MANBAL: variants seen among roughly 807,000 people sequenced by gnomAD.
MANBAL encodes the protein mannosidase beta like, also known as protein MANBAL.
In MANBAL, 1 loss-of-function variant was observed where a neutral mutation model predicts 6.4. The ratio of observed to expected loss-of-function variants is 0.16; its 90% CI spans 0.06 to 0.74. The LOEUF is 0.74. Among genes scored for constraint, MANBAL ranks in the 30% least tolerant of loss-of-function variants. The pLI, the probability that MANBAL is intolerant of heterozygous loss-of-function variation, is 0.78. For missense variants in MANBAL, 100 were observed against 107.8 expected (o/e 0.93, Z 0.32); for synonymous variants, 47 against 45.8 (o/e 1.03, Z -0.10).
intron 2 of MANBAL, among the ~76,000 whole-genome samples, chr20:37,313,104 C>T (rs568006293): frequency 5.9e-5 from 9 of 152,324 alleles, no homozygotes; most frequent in East Asian, 1.9e-4. Context: ...ACTGGCTGGG[C>T]GCGGTGGCTC....
At chr20:37,314,526 A>G (rs552965116) in intron 2 of MANBAL, among the ~76,000 whole-genome samples, 4 of 152,324 alleles carry the variant, frequency 2.6e-5, no homozygotes, top group Admixed American at 1.3e-4. Flanking sequence ...CTTCCTAGAG[A>G]TCCAGGCAGG....
At chr20:37,308,654 G>A (rs577323402) in intron 2 of MANBAL, among the ~76,000 whole-genome samples, 1 of 152,286 alleles carries the variant, frequency 6.6e-6, no homozygotes, top group South Asian at 2.1e-4. Flanking sequence ...TACATGGAGT[G>A]CAGTGGGAAG....
chr20:37,292,693 T>G (rs2068899905), intron 1 of MANBAL, among the ~76,000 whole-genome samples: 2 of 152,230 alleles, frequency 1.3e-5, no homozygotes, highest in African/African-American at 4.8e-5. Context: ...GTTCCTCCAT[T>G]GGCCATTGGG....
chr20:37,294,958 C>A (rs908570968), intron 1 of MANBAL, among the ~76,000 whole-genome samples: 1 of 152,190 alleles, frequency 6.6e-6, no homozygotes, highest in Non-Finnish European at 1.5e-5. Context: ...TTATTTGCCA[C>A]GTTCAGTAAT....
In MANBAL at chr20:37,302,175, G is replaced by A. The variant is rs1035835369; in HGVS notation, c.150+762G>A. 9 of 1,489,492 alleles carry A rather than the reference G, an allele frequency of 6.0e-6. No individual in the cohort carries two copies. The Admixed American group carries it at 8.0e-5, about 13-fold the overall frequency. The allele number at this position is 1,489,492 out of a possible 1,614,324, so 92.3% of individuals were successfully genotyped here. A position where few individuals can be genotyped will look rare whatever the true frequency, so the allele number is the denominator to read the frequency against. On this transcript the variant is annotated intron_variant, in intron 2 of 2. Coordinates refer to ENST00000373606, the MANE Select transcript of MANBAL (RefSeq NM_001003897.2). ...TCGTGACATTGATTTATTGGAGAAAGCAGGTCGTTTGTCATGTGGGATACC... is the reference window on the plus strand; with the variant it reads ...TCGTGACATTGATTTATTGGAGAAAACAGGTCGTTTGTCATGTGGGATACC...
At chr20:37,290,238 C>T (rs938924447) in intron 1 of MANBAL, among the ~76,000 whole-genome samples, 1 of 152,218 alleles carries the variant, frequency 6.6e-6, no homozygotes, top group South Asian at 2.1e-4. Flanking sequence ...AAAATGGTGA[C>T]AACACATTTA....
At chr20:37,305,874 A>G (rs1467138025) in intron 2 of MANBAL, among the ~76,000 whole-genome samples, 3 of 152,134 alleles carry the variant, frequency 2.0e-5, no homozygotes, top group African/African-American at 7.2e-5. Context: ...GAAAGGAAAC[A>G]CAGCATTCTG....
chr20:37,292,760 T>C (rs2068901995), intron 1 of MANBAL, among the ~76,000 whole-genome samples: 1 of 152,230 alleles, frequency 6.6e-6, no homozygotes, highest in Non-Finnish European at 1.5e-5. Flanking sequence ...TATGTTTTGC[T>C]TTGTTTTGTT....
chr20:37,291,763 C>G (rs1191659050), intron 1 of MANBAL, among the ~76,000 whole-genome samples: 1 of 152,094 alleles, frequency 6.6e-6, no homozygotes, highest in Non-Finnish European at 1.5e-5. Flanking sequence ...CTCAGGAGAT[C>G]TGATGGTTTT....
chr20:37,310,476 T>G (rs1209820328), intron 2 of MANBAL, among the ~76,000 whole-genome samples: 2 of 152,256 alleles, frequency 1.3e-5, no homozygotes, highest in Non-Finnish European at 2.9e-5. Flanking sequence ...TGCACGAAGA[T>G]GCCTGAGTAT....
chr20:37,298,503 GT>G (rs1415496387), intron 1 of MANBAL, among the ~76,000 whole-genome samples: 2 of 152,166 alleles, frequency 1.3e-5, no homozygotes, highest in Non-Finnish European at 1.5e-5. Flanking sequence ...GTCCTTTTGT[GT>G]CTAGCTTATT....
chr20:37,292,662 C>T (rs1162018479), intron 1 of MANBAL, among the ~76,000 whole-genome samples: 1 of 152,216 alleles, frequency 6.6e-6, no homozygotes, highest in African/African-American at 2.4e-5. Flanking sequence ...TCCAGTACTA[C>T]TTTATTTTGT....
At chr20:37,298,245 A>C (rs1176616731) in intron 1 of MANBAL, among the ~76,000 whole-genome samples, 2 of 152,166 alleles carry the variant, frequency 1.3e-5, no homozygotes, top group Non-Finnish European at 2.9e-5. Flanking sequence ...TTGTGACAAA[A>C]TATATGTAAC....
At chr20:37,314,163 G>C (rs531956413) in intron 2 of MANBAL, among the ~76,000 whole-genome samples, 1 of 152,316 alleles carries the variant, frequency 6.6e-6, no homozygotes, top group African/African-American at 2.4e-5. Context: ...GAATCAAGAG[G>C]TAGAGGGGGT....
At chr20:37,312,162 T>G (rs2069405222) in intron 2 of MANBAL, among the ~76,000 whole-genome samples, 1 of 152,172 alleles carries the variant, frequency 6.6e-6, no homozygotes, top group Admixed American at 6.5e-5. Context: ...AACTGTAATA[T>G]GTACACACAC....
At chr20:37,310,281 T>C (rs1478437735) in intron 2 of MANBAL, among the ~76,000 whole-genome samples, 1 of 152,226 alleles carries the variant, frequency 6.6e-6, no homozygotes, top group Non-Finnish European at 1.5e-5. Flanking sequence ...ACTGCTAGTT[T>C]CATCTCTGCG....
chr20:37,314,250 C>G (rs2069453648), intron 2 of MANBAL, among the ~76,000 whole-genome samples: 2 of 152,258 alleles, frequency 1.3e-5, no homozygotes, highest in Admixed American at 1.3e-4. Flanking sequence ...TCTGGTTGCT[C>G]CACCAGTGGG....
At chr20:37,307,049 G>A (rs907155890) in intron 2 of MANBAL, among the ~76,000 whole-genome samples, 5 of 152,124 alleles carry the variant, frequency 3.3e-5, no homozygotes, top group Admixed American at 6.5e-5. Context: ...CTGCAGTCTC[G>A]ACCTGGACTC....
At chr20:37,299,574 A>G (rs1195049977) in intron 1 of MANBAL, among the ~76,000 whole-genome samples, 1 of 152,200 alleles carries the variant, frequency 6.6e-6, no homozygotes, top group Non-Finnish European at 1.5e-5. Flanking sequence ...TGTGGCACAG[A>G]TCTCTGGAAA....
Sources: allele counts gnomAD v4.1 joint callset (sites outside exome capture counted in the v4.1 genomes callset), GRCh38; gene constraint gnomAD v4.1.1; transcripts MANE v1.5; gene names NCBI Gene and HGNC (gene_info 2026-07-23, HGNC 2026-07-21).